Variants in CSMD2 observed in about 807,000 individuals in gnomAD.
CSMD2 encodes CUB and Sushi multiple domains 2.
In CSMD2, 130 loss-of-function variants were observed where a neutral mutation model predicts 398.5. That is an observed-to-expected ratio of 0.33 (90% CI 0.28 to 0.38). The LOEUF (loss-of-function observed/expected upper bound fraction) is 0.38, where lower values mean the gene tolerates loss of function less well. CSMD2 is among the 10% of genes least tolerant of loss of function. CSMD2 has a pLI of 1.00. For synonymous variants in CSMD2, 1,828 were observed against 1,908.5 expected, an observed-to-expected ratio of 0.96 and a Z score of 1.10; for missense variants, 3,829 against 4,764.9, an observed-to-expected ratio of 0.80 and a Z score of 5.78.
At chr1:34,024,658 C>T (rs1307850565) in intron 3 of CSMD2, among the ~76,000 whole-genome samples, 2 of 152,222 alleles carry the variant, frequency 1.3e-5, no homozygotes, top group Non-Finnish European at 2.9e-5. Context: ...CAGGTTCACT[C>T]AGGAAGCACA....
chr1:34,023,372 G>A (rs1379778020), intron 3 of CSMD2, among the ~76,000 whole-genome samples: 1 of 152,130 alleles, frequency 6.6e-6, no homozygotes, highest in Non-Finnish European at 1.5e-5. Flanking sequence ...CAGCCTATAC[G>A]CTATCCACTG....
At chr1:34,038,855 A>C (rs1325729462) in intron 2 of CSMD2, among the ~76,000 whole-genome samples, 1 of 152,104 alleles carries the variant, frequency 6.6e-6, no homozygotes, top group Non-Finnish European at 1.5e-5. Flanking sequence ...GTTCTAAATA[A>C]TGTCAGTGAT....
chr1:33,867,675 T>C (rs1189992324), intron 5 of CSMD2, among the ~76,000 whole-genome samples: 1 of 152,242 alleles, frequency 6.6e-6, no homozygotes, highest in Non-Finnish European at 1.5e-5. Context: ...CTTTCCTTTG[T>C]TACCAATCTC....
intron 23 of CSMD2, among the ~76,000 whole-genome samples, chr1:33,699,440 A>C (rs1645533676): frequency 6.6e-6 from 1 of 152,206 alleles, no homozygotes; most frequent in Admixed American, 6.5e-5. Flanking sequence ...TATTCACAGG[A>C]GTCTTACAGG....
At chr1:33,874,964 G>A (rs112625884) in intron 5 of CSMD2, among the ~76,000 whole-genome samples, 146 of 152,312 alleles carry the variant, frequency 9.6e-4, no homozygotes, top group African/African-American at 3.4e-3. Context: ...GGCTCCTCTG[G>A]CCCGCACAGC....
chr1:33,670,706 A>G (rs1218855722), intron 25 of CSMD2, among the ~76,000 whole-genome samples: 1 of 152,346 alleles, frequency 6.6e-6, no homozygotes, highest in East Asian at 1.9e-4. Context: ...CTGAGCCTAC[A>G]GTGATACTGA....
At chr1:33,984,822 G>C (rs1416621851) in intron 3 of CSMD2, among the ~76,000 whole-genome samples, 1 of 148,626 alleles carries the variant, frequency 6.7e-6, no homozygotes, top group East Asian at 2.0e-4. Flanking sequence ...AAGGGAGGGA[G>C]GGAAGGAGGG....
chr1:33,722,934 A>G (rs185125614), intron 19 of CSMD2, among the ~76,000 whole-genome samples: 27 of 152,192 alleles, frequency 1.8e-4, no homozygotes, highest in African/African-American at 5.8e-4. Context: ...TTTTGTTCCA[A>G]TGGTTCAACC....
intron 18 of CSMD2, 73 bp from the exon 19 acceptor site, chr1:33,724,386 C>G (rs766925925): frequency 1.5e-5 from 22 of 1,490,890 alleles, no homozygotes; most frequent in Non-Finnish European, 2.0e-5. Context: ...CTCCTGGGAC[C>G]CCATCCCCCA....
intron 3 of CSMD2, among the ~76,000 whole-genome samples, chr1:33,985,396 T>C (rs1279111983): frequency 6.6e-6 from 1 of 152,130 alleles, no homozygotes; most frequent in African/African-American, 2.4e-5. Flanking sequence ...GGGACTGCGG[T>C]GGGCCAGGCC....
intron 2 of CSMD2, among the ~76,000 whole-genome samples, chr1:34,045,813 C>CT (rs1652457234): frequency 6.6e-6 from 1 of 152,272 alleles, no homozygotes; most frequent in South Asian, 2.1e-4. Context: ...GCAGCGTCTC[C>CT]TTCTGCAGCA....
At chr1:33,753,754 AGTTCACCCCATGCACCAAT>A (rs1648592824) in intron 13 of CSMD2, among the ~76,000 whole-genome samples, 1 of 152,344 alleles carries the variant, frequency 6.6e-6, no homozygotes, top group East Asian at 1.9e-4. Context: ...AGGCCTTGGG[AGTTCACCCCATGCACCAAT>A]GTGCCCAGGA....
intron 44 of CSMD2, 38 bp downstream of exon 44, chr1:33,600,827 G>C: frequency 1.2e-6 from 2 of 1,610,386 alleles, no homozygotes; most frequent in Non-Finnish European, 1.7e-6. Flanking sequence ...TGACTTGAAA[G>C]CCTGGCCCTT....
rs529338351 is a variant in CSMD2 at position 33,939,573 on chromosome 1, G to C, written c.518-3619C>G. 1.6e-4 allele frequency among the ~76,000 whole-genome samples: 24 copies of C among 152,310 alleles called. 1 individual carries two copies. The highest frequency in any genetic ancestry group is 5.8e-4 in the African/African-American group (24 of 41,566). ...CTAATGTCAAATTTTTAATGAACCT[G>C]CTTCTGCTTTGGGCTTTCTTCCTTC... On this transcript the variant is annotated intron_variant, in intron 3 of 70. Coordinates refer to ENST00000373381, the MANE Select transcript of CSMD2 (RefSeq NM_001281956.2).
At chr1:34,158,267 T>C (rs1640987161) in intron 1 of CSMD2, among the ~76,000 whole-genome samples, 1 of 152,184 alleles carries the variant, frequency 6.6e-6, no homozygotes, top group Non-Finnish European at 1.5e-5. Context: ...GAGTGAACCC[T>C]GAGACAGAGT....
chr1:33,996,914 A>C (rs989931262), intron 3 of CSMD2, among the ~76,000 whole-genome samples: 1 of 152,214 alleles, frequency 6.6e-6, no homozygotes, highest in Non-Finnish European at 1.5e-5. Context: ...CATCTGGCAC[A>C]GTTCTTTGCA....
chr1:33,769,275 C>G (rs1227802729), intron 13 of CSMD2, among the ~76,000 whole-genome samples: 4 of 152,230 alleles, frequency 2.6e-5, no homozygotes, highest in African/African-American at 9.6e-5. Flanking sequence ...GCTTTCCCAC[C>G]ATGACAGCCA....
At chr1:34,124,823 T>G (rs1662571467) in intron 1 of CSMD2, among the ~76,000 whole-genome samples, 1 of 152,224 alleles carries the variant, frequency 6.6e-6, no homozygotes, top group Non-Finnish European at 1.5e-5. Flanking sequence ...TCTCACATTT[T>G]TTTGTAAAGA....
intron 2 of CSMD2, among the ~76,000 whole-genome samples, chr1:34,048,810 C>T (rs890325147): frequency 3.9e-5 from 6 of 152,306 alleles, no homozygotes; most frequent in African/African-American, 1.4e-4. Context: ...TGCTGCATAG[C>T]CACCACCAGA....
Sources: gnomAD v4.1 joint callset for allele counts (sites outside exome capture counted in the v4.1 genomes callset) on GRCh38, gnomAD v4.1.1 for gene constraint, MANE v1.5 for transcripts, NCBI Gene and HGNC (gene_info 2026-07-23, HGNC 2026-07-21) for gene names.